Variants in FANCM observed in about 807,000 individuals in gnomAD.
FANCM encodes the protein FA complementation group M.
In FANCM, 140 loss-of-function variants were observed where a neutral mutation model predicts 199.5. That is an observed-to-expected ratio of 0.70 (90% CI 0.61 to 0.81). FANCM has a LOEUF of 0.81. FANCM is among the 30% of genes least tolerant of loss of function. FANCM has a pLI of 0.00. For synonymous variants in FANCM, 840 were observed against 836.8 expected (o/e 1.00, Z -0.07); for missense variants, 2,410 against 2,421.4 (o/e 1.00, Z 0.10).
intron 2 of FANCM, among the ~76,000 whole-genome samples, chr14:45,138,906 GA>G (rs1304028927): frequency 6.6e-6 from 1 of 152,154 alleles, no homozygotes; most frequent in Non-Finnish European, 1.5e-5. Context: ...AATTCTTCGT[GA>G]AAAGAAGTAA....
chr14:45,167,102 T>C lies in FANCM; in HGVS notation c.1941T>C (p.Tyr647=), dbSNP rs1280545288. Residue 647 remains tyrosine, a synonymous_variant, in exon 11 of 23, where the codon TAT becomes TAC. Transcript: ENST00000267430. ...AAATGTTCATCACACATGGTGTCTA[T>C]GAACCAGAGAAGCCTTCTCGGAACT... ...LHKMFITHGV[Y]EPEKPSRNLQ... 2.2e-5 allele frequency: 35 copies of C among 1,613,960 alleles called. No individual in the cohort carries two copies. Among genetic ancestry groups the C allele is most frequent in the Non-Finnish European group, 2.8e-5 (33 of 1,179,830 alleles).
intron 2 of FANCM, among the ~76,000 whole-genome samples, chr14:45,138,394 G>A (rs1885674297): frequency 6.6e-6 from 1 of 152,168 alleles, no homozygotes; most frequent in Non-Finnish European, 1.5e-5. Flanking sequence ...CTCTGTATTA[G>A]GGATAATTGT....
chr14:45,176,747 A>G lies in FANCM; in HGVS notation c.3993A>G (p.Pro1331=). The G allele has an allele frequency of 6.2e-7, 1 of 1,612,690 alleles. No homozygotes were observed. The highest frequency in any genetic ancestry group is 8.5e-7 in the Non-Finnish European group (1 of 1,179,312). The change falls in exon 14 of 23, where the codon CCA becomes CCG. Residue 1331 remains proline (P), a synonymous_variant. Transcript: ENST00000267430. ...LSPGYSQFSL[P]VQKKVMSTPL... ...CTGGTTATTCTCAGTTTTCTTTACC[A>G]GTGCAAAAAAAAGTTATGAGTACAC... is the stretch of plus-strand genomic sequence containing the variant.
intron 3 of FANCM, among the ~76,000 whole-genome samples, chr14:45,142,352 G>T (rs1342412716): frequency 3.3e-5 from 5 of 150,984 alleles, no homozygotes; most frequent in African/African-American, 1.2e-4. Flanking sequence ...TGTTGCCCGG[G>T]CTGGAGTGCA....
intron 11 of FANCM, 188 bp downstream of exon 11, chr14:45,167,351 G>C: frequency 3.5e-6 from 2 of 574,272 alleles, no homozygotes; most frequent in East Asian, 6.0e-5. Context: ...GTAGTATAGA[G>C]TGACAGAAAC....
chr14:45,172,934 G>T, intron 12 of FANCM, 121 bp from the exon 13 acceptor site: 1 of 692,306 alleles, frequency 1.4e-6, no homozygotes. Flanking sequence ...TTTTAGTTGG[G>T]AGTATCTAAA....
At chr14:45,146,591 G>A (rs1038985597) in intron 3 of FANCM, among the ~76,000 whole-genome samples, 1 of 151,922 alleles carries the variant, frequency 6.6e-6, no homozygotes, top group Admixed American at 6.6e-5. Context: ...CCCCCTTTGG[G>A]AGGCCGAGGC....
At chr14:45,181,198 A>G (rs1221509528) in intron 14 of FANCM, among the ~76,000 whole-genome samples, 1 of 152,200 alleles carries the variant, frequency 6.6e-6, no homozygotes. Flanking sequence ...TCATTCAAAT[A>G]TGTGTTTATT....
Position 45,161,249 on chromosome 14 carries a change from C to A in FANCM, c.1581+1969C>A, listed in dbSNP as rs72672925. On this transcript the variant is annotated intron_variant, in intron 9 of 22. Transcript: ENST00000267430. Reference sequence around the variant, plus strand: ...AAAGTAAAAACTTTTTTTATTACTCCTATATGTAATTGCTTTCATAACAGC... The same window carrying A: ...AAAGTAAAAACTTTTTTTATTACTCATATATGTAATTGCTTTCATAACAGC... Among the ~76,000 whole-genome samples the A allele has an allele frequency of 3.4e-3, 517 of 152,172 alleles. 3 individuals are homozygous for A. Among genetic ancestry groups the A allele is most frequent in the Non-Finnish European group, 5.9e-3 (401 of 68,004 alleles).
Position 45,188,984 on chromosome 14 carries a change from A to G in FANCM, c.4962A>G (p.Glu1654=). ...CAGTAATGCTAAAAGAAATGATGGA[A>G]CAAAATTGTGCACATTCAAAAAAGA... ...RRAVMLKEMM[E]QNCAHSKKKL... The change falls in exon 20 of 23, where the codon GAA becomes GAG. Residue 1654 remains glutamate, a synonymous_variant. Transcript: ENST00000267430. 6.2e-7 allele frequency: 1 copy of G among 1,614,072 alleles called. No homozygotes were observed. Among genetic ancestry groups the G allele is most frequent in the Non-Finnish European group, 8.5e-7 (1 of 1,179,976 alleles).
intron 5 of FANCM, among the ~76,000 whole-genome samples, chr14:45,152,777 T>C (rs984094061): frequency 6.6e-6 from 1 of 152,202 alleles, no homozygotes; most frequent in African/African-American, 2.4e-5. Flanking sequence ...TATGATAATA[T>C]AGGTTGTGAC....
At chr14:45,165,611 T>C (rs116520709) in intron 10 of FANCM, among the ~76,000 whole-genome samples, 2,721 of 152,276 alleles carry the variant, frequency 0.018, 94 homozygotes, top group African/African-American at 0.062. Context: ...TCCTGAAAAA[T>C]GAATTATTTC....
Position 45,174,943 on chromosome 14 carries a change from A to G in FANCM, c.2317-128A>G, listed in dbSNP as rs1888566542. ...GATTTATCGGAATAACTTTTAAGGTATAAAAGAATATCACTGGAACAATGT... is the reference window on the plus strand; with the variant it reads ...GATTTATCGGAATAACTTTTAAGGTGTAAAAGAATATCACTGGAACAATGT... On this transcript the variant is annotated intron_variant, in intron 13 of 22. Coordinates refer to ENST00000267430, the MANE Select transcript of FANCM (RefSeq NM_020937.4). 4.9e-6 allele frequency: 3 copies of G among 609,824 alleles called. No individual in the cohort carries two copies. In the African/African-American group the frequency reaches 5.6e-5, roughly 11 times the overall value. The allele number at this position is 609,824 out of a possible 1,614,324, so 37.8% of individuals were successfully genotyped here.
At chr14:45,172,361 G>C (rs1453926144) in intron 12 of FANCM, among the ~76,000 whole-genome samples, 1 of 152,054 alleles carries the variant, frequency 6.6e-6, no homozygotes. Context: ...TTTTCAATGT[G>C]ACAGAATTTT....
rs560853778 is a variant in FANCM, at chr14:45,144,036, A to T, written c.759+3327A>T. On this transcript the variant is annotated intron_variant, in intron 3 of 22. Transcript: ENST00000267430. Reference sequence around the variant, plus strand: ...ATACATTCTGTGGCAGCCTTTTAAAACTTTTTTTTTTTATTTTTATGGGTA... The same window carrying T: ...ATACATTCTGTGGCAGCCTTTTAAATCTTTTTTTTTTTATTTTTATGGGTA... Among the ~76,000 whole-genome samples the T allele has an allele frequency of 3.2e-3, 477 of 149,024 alleles. 3 individuals are homozygous for T. Among genetic ancestry groups the T allele is most frequent in the African/African-American group, 0.012 (462 of 39,612 alleles).
Position 45,181,483 on chromosome 14 carries a change from AAAGTT to A in FANCM, c.4279_4283del (p.Val1427LysfsTer11). 1.2e-6 allele frequency: 2 copies of A among 1,608,702 alleles called. No individual in the cohort carries two copies. The highest frequency in any genetic ancestry group is 1.7e-6 in the Non-Finnish European group (2 of 1,175,414). ...TGAAGATGACGAGATTTTCCGAAGA[AAAGTT>A]AAAAGAGCAAAAGGAAATGTTTTAA... On this transcript the variant is annotated frameshift_variant, in exon 15 of 23. Transcript: ENST00000267430. LOFTEE classifies it high-confidence loss of function.
chr14:45,199,893 A>G lies in FANCM; in HGVS notation c.6032A>G (p.Tyr2011Cys). ...AGCTCACTTCAAGAAATCTCCATGT[A>G]TGCACAAGTAACTCATCAGAAGGCT... ...ANSSLQEISM[Y>C]AQVTHQKAEE... The change falls in exon 23 of 23, where the codon TAT (tyrosine) becomes TGT (cysteine). Residue 2011 changes from tyrosine to cysteine, a missense_variant. Coordinates refer to ENST00000267430, the MANE Select transcript of FANCM (RefSeq NM_020937.4). The G allele has an allele frequency of 1.2e-6, 2 of 1,611,810 alleles. No individual in the cohort carries two copies.
In FANCM at chr14:45,192,602, C is replaced by A. The variant is rs113664342; in HGVS notation, c.5340+3240C>A. Among the ~76,000 whole-genome samples the A allele has an allele frequency of 2.4e-3, 372 of 152,146 alleles. 6 individuals are homozygous for A. Among genetic ancestry groups the A allele is most frequent in the African/African-American group, 8.7e-3 (361 of 41,512 alleles). On this transcript the variant is annotated intron_variant, in intron 20 of 22. Transcript: ENST00000267430. ...AGGTTGCAGTGAGCCAAGATTGCGC[C>A]ACTGCACTCCAGCCTGTGCAACATA...
rs553532844 is a variant in FANCM, at chr14:45,177,211, C to T, written c.4222+235C>T. The stretch of plus-strand genomic sequence containing the variant: ...TATTCTTGCTAGACATTATGAAATA[C>T]ACGAAGATGAGTAAGATCTGGCCCT... On this transcript the variant is annotated intron_variant, in intron 14 of 22. Transcript: ENST00000267430. Among the ~76,000 whole-genome samples the T allele has an allele frequency of 8.0e-5, 12 of 150,326 alleles. No individual in the cohort carries two copies. In the East Asian group the frequency reaches 2.3e-3, roughly 29 times the overall value.
Sources: allele counts gnomAD v4.1 joint callset (sites outside exome capture counted in the v4.1 genomes callset), GRCh38; gene constraint gnomAD v4.1.1; transcripts MANE v1.5; gene names NCBI Gene and HGNC (gene_info 2026-07-23, HGNC 2026-07-21).